The following FHIT variants were observed in gnomAD, a reference collection of about 807,000 sequenced individuals.
The protein encoded by FHIT is bis(5'-adenosyl)-triphosphatase.
FHIT carries 19 observed loss-of-function variants against 17.9 expected under a neutral mutation model. The ratio of observed to expected loss-of-function variants is 1.06; its 90% CI spans 0.74 to 1.56. FHIT has a LOEUF of 1.56. FHIT is among the 40% of genes most tolerant of loss of function. FHIT has a pLI of 0.00. For missense variants in FHIT, 248 were observed against 189.2 expected (o/e 1.31, Z -1.82); for synonymous variants, 81 against 69.7 (o/e 1.16, Z -0.81).
chr3:60,249,505 A>G (rs1269369615), intron 5 of FHIT, among the ~76,000 whole-genome samples: 1 of 151,602 alleles, frequency 6.6e-6, no homozygotes, highest in African/African-American at 2.4e-5. Flanking sequence ...GGGATGAGTG[A>G]GAGATGAAAG....
At chr3:60,878,491 C>T (rs192014865) in intron 3 of FHIT, among the ~76,000 whole-genome samples, 149 of 152,012 alleles carry the variant, frequency 9.8e-4, no homozygotes, top group African/African-American at 3.2e-3. Flanking sequence ...ACTACCATAC[C>T]CCTTTTTTTT....
At position 59,857,706 on chromosome 3, in the gene FHIT, T is replaced by TTTTTGTTTTG. The variant is rs1491367312; in HGVS notation, c.348+64639_348+64640insCAAAACAAAA. 3.0e-3 allele frequency among the ~76,000 whole-genome samples: 161 copies of TTTTTGTTTTG among 54,256 alleles called. 1 individual carries two copies. The highest frequency in any genetic ancestry group is 0.017 in the African/African-American group (157 of 9,440). The allele number at this position is 54,256 out of a possible 152,430, so 35.6% of individuals were successfully genotyped here. Reference sequence around the variant, plus strand: ...TGACTATGCTGTGCAAAGTGCTGGGTTTTTTTTTTTTTTTTTGTATCCTAA... The same window carrying TTTTTGTTTTG: ...TGACTATGCTGTGCAAAGTGCTGGGTTTTTGTTTTGTTTTTTTTTTTTTTTTGTATCCTAA... On this transcript the variant is annotated intron_variant, in intron 8 of 9. Transcript: ENST00000492590.
At chr3:61,022,319 C>T (rs1369754468) in intron 3 of FHIT, among the ~76,000 whole-genome samples, 1 of 152,156 alleles carries the variant, frequency 6.6e-6, no homozygotes, top group South Asian at 2.1e-4. Flanking sequence ...CTGAAGAGAC[C>T]AATAACAAGT....
intron 4 of FHIT, among the ~76,000 whole-genome samples, chr3:60,750,984 G>A (rs1480003760): frequency 1.3e-5 from 2 of 152,162 alleles, no homozygotes; most frequent in South Asian, 2.1e-4. Flanking sequence ...CAACTCCCAC[G>A]TGGACCTGTG....
At chr3:60,572,540 A>C (rs2037420494) in intron 4 of FHIT, among the ~76,000 whole-genome samples, 1 of 152,156 alleles carries the variant, frequency 6.6e-6, no homozygotes, top group African/African-American at 2.4e-5. Flanking sequence ...ATACATGCAT[A>C]CACACACAGA....
chr3:61,036,345 G>T (rs2033238621), intron 3 of FHIT, among the ~76,000 whole-genome samples: 1 of 151,728 alleles, frequency 6.6e-6, no homozygotes, highest in Non-Finnish European at 1.5e-5. Context: ...CCCCTACCAG[G>T]CCCCACCTCC....
At chr3:59,994,214 CT>C (rs1248810451) in intron 7 of FHIT, among the ~76,000 whole-genome samples, 1 of 152,068 alleles carries the variant, frequency 6.6e-6, no homozygotes, top group African/African-American at 2.4e-5. Flanking sequence ...ACACAAAAAT[CT>C]TCACAAACTG....
At chr3:60,662,986 G>A (rs2040294445) in intron 4 of FHIT, among the ~76,000 whole-genome samples, 1 of 151,096 alleles carries the variant, frequency 6.6e-6, no homozygotes, top group Admixed American at 6.6e-5. Flanking sequence ...TTGTTGAAAG[G>A]CTGGACTTCC....
chr3:60,562,875 G>A (rs1420866466), intron 4 of FHIT, among the ~76,000 whole-genome samples: 1 of 152,104 alleles, frequency 6.6e-6, no homozygotes, highest in African/African-American at 2.4e-5. Flanking sequence ...TGAGGACCCA[G>A]GCATAGACAA....
chr3:59,853,797 T>A (rs1702037698), intron 8 of FHIT, among the ~76,000 whole-genome samples: 1 of 152,114 alleles, frequency 6.6e-6, no homozygotes, highest in South Asian at 2.1e-4. Context: ...ACAGTTAAAA[T>A]TAGCTAGCTA....
chr3:60,710,216 A>G (rs1553704666), intron 4 of FHIT, among the ~76,000 whole-genome samples: 1 of 152,222 alleles, frequency 6.6e-6, no homozygotes, highest in East Asian at 1.9e-4. Context: ...TGAAAGGCCA[A>G]AAGTACAGTT....
chr3:59,887,990 A>C lies in FHIT; in HGVS notation c.348+34356T>G, dbSNP rs1703697657. ...GAAGGAGAGATACCTTCATCAATAAAATCTTTTTTGATTAAATTCAGTCTT... is the reference window on the plus strand; with the variant it reads ...GAAGGAGAGATACCTTCATCAATAACATCTTTTTTGATTAAATTCAGTCTT... On this transcript the variant is annotated intron_variant, in intron 8 of 9. Transcript: ENST00000492590. Among the ~76,000 whole-genome samples the C allele has an allele frequency of 2.0e-5, 3 of 152,282 alleles. No individual in the cohort carries two copies. The South Asian group carries it at 6.2e-4, about 32-fold the overall frequency.
At chr3:61,071,648 AAC>A (rs1203011968) in intron 2 of FHIT, among the ~76,000 whole-genome samples, 3 of 152,190 alleles carry the variant, frequency 2.0e-5, no homozygotes, top group Admixed American at 6.5e-5. Flanking sequence ...CAAGATATAA[AAC>A]AGTCTATGCA....
chr3:60,306,186 C>CT (rs1291812482), intron 5 of FHIT, among the ~76,000 whole-genome samples: 1 of 152,106 alleles, frequency 6.6e-6, no homozygotes, highest in Non-Finnish European at 1.5e-5. Context: ...ACTCCAGATT[C>CT]TTTTGACTTT....
At chr3:61,202,418 A>G (rs979541613) in intron 1 of FHIT, among the ~76,000 whole-genome samples, 2 of 152,106 alleles carry the variant, frequency 1.3e-5, no homozygotes, top group Non-Finnish European at 2.9e-5. Context: ...GACGCTGTGC[A>G]ACCTTCCAAG....
chr3:60,770,950 G>C (rs1700023038), intron 4 of FHIT, among the ~76,000 whole-genome samples: 1 of 152,100 alleles, frequency 6.6e-6, no homozygotes, highest in African/African-American at 2.4e-5. Flanking sequence ...CAATACCCAG[G>C]CAAAGATTGT....
chr3:59,902,368 T>A (rs1039140619), intron 8 of FHIT, among the ~76,000 whole-genome samples: 2 of 151,954 alleles, frequency 1.3e-5, no homozygotes, highest in African/African-American at 4.8e-5. Context: ...GTACAGCCAT[T>A]ATGGAAAAGA....
chr3:60,676,789 G>A (rs1204796225), intron 4 of FHIT, among the ~76,000 whole-genome samples: 1 of 152,132 alleles, frequency 6.6e-6, no homozygotes, highest in Non-Finnish European at 1.5e-5. Context: ...ACCAGGAGGT[G>A]CCATTATGTT....
chr3:61,143,744 T>C (rs948478086), intron 2 of FHIT, among the ~76,000 whole-genome samples: 1 of 152,094 alleles, frequency 6.6e-6, no homozygotes, highest in Non-Finnish European at 1.5e-5. Context: ...CAGGCGCCTG[T>C]AGTCCCAACT....
Sources: allele counts gnomAD v4.1 joint callset (sites outside exome capture counted in the v4.1 genomes callset), GRCh38; gene constraint gnomAD v4.1.1; transcripts MANE v1.5; gene names NCBI Gene and HGNC (gene_info 2026-07-23, HGNC 2026-07-21).